PTPRK: variants seen among roughly 807,000 people sequenced by gnomAD.
PTPRK encodes the protein protein tyrosine phosphatase receptor type K.
PTPRK carries 75 observed loss-of-function variants against 178.0 expected under a neutral mutation model. The ratio of observed to expected loss-of-function variants is 0.42; its 90% CI spans 0.35 to 0.51. The LOEUF (loss-of-function observed/expected upper bound fraction) is 0.51, where lower values mean the gene tolerates loss of function less well. PTPRK is among the 20% of genes least tolerant of loss of function. PTPRK has a pLI of 0.02. For synonymous variants in PTPRK, 637 were observed against 620.6 expected (o/e 1.03, Z -0.39); for missense variants, 1,441 against 1,797.8 (o/e 0.80, Z 3.59).
chr6:128,409,354 A>G (rs1487175247), intron 1 of PTPRK: 1 of 454,558 alleles, frequency 2.2e-6, no homozygotes, highest in Non-Finnish European at 4.4e-6. Flanking sequence ...ATCAGAATGC[A>G]AAATAGATTA....
chr6:128,142,226 C>T (rs962584545), intron 7 of PTPRK, among the ~76,000 whole-genome samples: 1 of 151,876 alleles, frequency 6.6e-6, no homozygotes, highest in African/African-American at 2.4e-5. Context: ...AGAGCAGAAG[C>T]CTTTCAGAAC....
intron 2 of PTPRK, among the ~76,000 whole-genome samples, chr6:128,388,785 T>C (rs1839136650): frequency 6.6e-6 from 1 of 152,212 alleles, no homozygotes; most frequent in South Asian, 2.1e-4. Flanking sequence ...AAATGACATA[T>C]TTTAAATGCT....
At chr6:128,381,179 G>T (rs954088798) in intron 2 of PTPRK, among the ~76,000 whole-genome samples, 2 of 152,112 alleles carry the variant, frequency 1.3e-5, no homozygotes, top group Admixed American at 1.3e-4. Flanking sequence ...AAGTAAAAGG[G>T]TGTATTTCAT....
chr6:128,064,886 G>T, intron 12 of PTPRK, 92 bp from the exon 13 acceptor site: 2 of 1,332,216 alleles, frequency 1.5e-6, no homozygotes, highest in Non-Finnish European at 1.9e-6. Context: ...TCCATCTGGG[G>T]TCATAAAAAG....
intron 3 of PTPRK, among the ~76,000 whole-genome samples, chr6:128,301,452 A>T (rs1825594822): frequency 6.6e-6 from 1 of 152,082 alleles, no homozygotes; most frequent in South Asian, 2.1e-4. Flanking sequence ...TTTGCTTTAA[A>T]ATTTAACATT....
At chr6:128,462,307 C>G (rs1404644866) in intron 1 of PTPRK, among the ~76,000 whole-genome samples, 1 of 152,080 alleles carries the variant, frequency 6.6e-6, no homozygotes, top group Non-Finnish European at 1.5e-5. Context: ...TGCTAGTAAA[C>G]TGTATTTTAG....
chr6:128,502,122 T>C (rs1855646293), intron 1 of PTPRK, among the ~76,000 whole-genome samples: 1 of 152,190 alleles, frequency 6.6e-6, no homozygotes, highest in African/African-American at 2.4e-5. Context: ...ACCTACTGTG[T>C]AGTATTTGGG....
chr6:128,054,167 CT>C (rs1278393385), intron 13 of PTPRK, among the ~76,000 whole-genome samples: 1 of 152,142 alleles, frequency 6.6e-6, no homozygotes, highest in African/African-American at 2.4e-5. Flanking sequence ...AGACAGAAAA[CT>C]TTTATTCTTT....
rs559860979 is a variant in PTPRK at position 128,347,493 on chromosome 6, T to C, written c.224-25183A>G. Among the ~76,000 whole-genome samples, 83 of 152,254 alleles carry C rather than the reference T, an allele frequency of 5.5e-4. 1 individual carries two copies. The highest frequency in any genetic ancestry group is 1.9e-3 in the African/African-American group (80 of 41,578). ...CGTGAAGAAGGGTCAATGTGATATG[T>C]TGATTTTTTTTCATTTGTTTGTTTA... On this transcript the variant is annotated intron_variant, in intron 2 of 29. Transcript: ENST00000368226.
intron 1 of PTPRK, among the ~76,000 whole-genome samples, chr6:128,481,344 T>C (rs1444111353): frequency 1.3e-5 from 2 of 152,176 alleles, no homozygotes; most frequent in African/African-American, 4.8e-5. Context: ...TTTTCATATT[T>C]GCAATTTTGC....
At chr6:128,128,500 G>C (rs1793726744) in intron 7 of PTPRK, among the ~76,000 whole-genome samples, 1 of 152,126 alleles carries the variant, frequency 6.6e-6, no homozygotes, top group Non-Finnish European at 1.5e-5. Flanking sequence ...AGAACACTTT[G>C]AGTGAACATC....
chr6:128,005,982 T>C, intron 14 of PTPRK: 1 of 1,447,978 alleles, frequency 6.9e-7, no homozygotes. Flanking sequence ...GGATACTGCA[T>C]CCTTAACACA....
intron 6 of PTPRK, among the ~76,000 whole-genome samples, chr6:128,206,347 A>G (rs902069592): frequency 3.3e-5 from 5 of 151,248 alleles, no homozygotes; most frequent in African/African-American, 1.2e-4. Context: ...TTCAGCAAGA[A>G]GGCACACTTC....
chr6:128,365,203 A>G (rs1427293128), intron 2 of PTPRK, among the ~76,000 whole-genome samples: 1 of 152,076 alleles, frequency 6.6e-6, no homozygotes, highest in Non-Finnish European at 1.5e-5. Context: ...ACACTTGTAA[A>G]CTTGTAAACA....
intron 13 of PTPRK, among the ~76,000 whole-genome samples, chr6:128,049,997 A>G (rs1388819576): frequency 1.3e-5 from 2 of 152,104 alleles, no homozygotes; most frequent in Non-Finnish European, 2.9e-5. Context: ...TTAGCAGGGC[A>G]TGGTGGCGCA....
chr6:128,461,041 T>C (rs1242777569), intron 1 of PTPRK, among the ~76,000 whole-genome samples: 1 of 152,150 alleles, frequency 6.6e-6, no homozygotes, highest in Non-Finnish European at 1.5e-5. Context: ...TGGAAAGAAA[T>C]TATTTTTTAA....
intron 13 of PTPRK, among the ~76,000 whole-genome samples, chr6:128,043,697 T>C (rs1777575095): frequency 6.6e-6 from 1 of 151,962 alleles, no homozygotes; most frequent in Non-Finnish European, 1.5e-5. Flanking sequence ...TAATGTACTA[T>C]TTGTTTGCAT....
At chr6:128,385,593 C>G (rs1182148481) in intron 2 of PTPRK, among the ~76,000 whole-genome samples, 1 of 152,080 alleles carries the variant, frequency 6.6e-6, no homozygotes. Flanking sequence ...AAGTCTTATA[C>G]CCTGATGGAG....
chr6:128,398,824 C>CG (rs1200430475), intron 1 of PTPRK, among the ~76,000 whole-genome samples: 1 of 152,072 alleles, frequency 6.6e-6, no homozygotes, highest in African/African-American at 2.4e-5. Context: ...TCTTTTTAAA[C>CG]GGGGGTAGCA....
Sources: allele counts gnomAD v4.1 joint callset (sites outside exome capture counted in the v4.1 genomes callset), GRCh38; gene constraint gnomAD v4.1.1; transcripts MANE v1.5; gene names NCBI Gene and HGNC (gene_info 2026-07-23, HGNC 2026-07-21).